ZBTB38: variants seen among roughly 807,000 people sequenced by gnomAD.
The protein encoded by ZBTB38 is zinc finger and BTB domain-containing protein 38.
A neutral mutation model predicts 76.8 loss-of-function variants in ZBTB38; 20 were observed. The ratio of observed to expected loss-of-function variants is 0.26; its 90% CI spans 0.18 to 0.38. The LOEUF is 0.38. ZBTB38 is among the 10% of genes least tolerant of loss of function. ZBTB38 has a pLI of 1.00. For missense variants in ZBTB38, 1,082 were observed against 1,482.3 expected, an observed-to-expected ratio of 0.73 and a Z score of 4.43; for synonymous variants, 504 against 544.2, an observed-to-expected ratio of 0.93 and a Z score of 1.03.
At chr3:141,371,500 T>A (rs1436279075) in intron 2 of ZBTB38, among the ~76,000 whole-genome samples, 1 of 151,420 alleles carries the variant, frequency 6.6e-6, no homozygotes, top group African/African-American at 2.4e-5. Flanking sequence ...TCACCATGCC[T>A]GGCTAATTTT....
chr3:141,445,215 C>G lies in ZBTB38; in HGVS notation c.2827C>G (p.His943Asp). The G allele has an allele frequency of 6.2e-7, 1 of 1,614,026 alleles. No individual in the cohort carries two copies. Among genetic ancestry groups the G allele is most frequent in the Non-Finnish European group, 8.5e-7 (1 of 1,179,994 alleles). The change falls in exon 6 of 6, where the codon CAC (histidine) becomes GAC (aspartate). Residue 943 changes from histidine to aspartate, a missense_variant. Around this residue, in one of 8 missense-constraint regions of ZBTB38, gnomAD observed 471 missense variants for 581.0 expected, o/e 0.81. Coordinates refer to ENST00000321464, the MANE Select transcript of ZBTB38 (RefSeq NM_001376113.1). This position sits in a 1 kb window ranked among gnomAD's most constrained non-coding sequence, Gnocchi z 6.5. ...GAGGAAAGTCAACTGGAGGAAGGAG[C>G]ACGGAAACAGGAGCCCGAGCCATAA... is the stretch of plus-strand genomic sequence containing the variant. ...KMRKVNWRKE[H>D]GNRSPSHKCK...
At chr3:141,341,011 G>A (rs1342819080) in intron 1 of ZBTB38, among the ~76,000 whole-genome samples, 1 of 150,614 alleles carries the variant, frequency 6.6e-6, no homozygotes, top group Non-Finnish European at 1.5e-5. Flanking sequence ...AAGAAAGAAA[G>A]AAAGAGAAAG....
intron 5 of ZBTB38, among the ~76,000 whole-genome samples, chr3:141,404,954 C>T (rs993008299): frequency 2.6e-5 from 4 of 152,206 alleles, no homozygotes; most frequent in African/African-American, 7.2e-5. Context: ...TGGGGTCCAT[C>T]GCAGGGACAG....
intron 4 of ZBTB38, chr3:141,388,565 TG>T (rs1372149741): frequency 6.6e-6 from 1 of 152,240 alleles, no homozygotes; most frequent in Non-Finnish European, 1.5e-5. Context: ...CTCTTTCTTT[TG>T]AACTTAACTT....
chr3:141,346,965 G>T (rs1371134638), intron 1 of ZBTB38, among the ~76,000 whole-genome samples: 1 of 152,166 alleles, frequency 6.6e-6, no homozygotes, highest in African/African-American at 2.4e-5. Context: ...AGCTGGTTCA[G>T]CACTTCCGCC....
intron 4 of ZBTB38, chr3:141,403,153 G>A (rs1559938833): frequency 6.6e-6 from 1 of 152,204 alleles, no homozygotes; most frequent in Non-Finnish European, 1.5e-5. Flanking sequence ...ACTGCGGTAG[G>A]TAAGTGCCTA....
At chr3:141,405,405 G>A (rs545166747) in intron 5 of ZBTB38, among the ~76,000 whole-genome samples, 97 of 152,208 alleles carry the variant, frequency 6.4e-4, no homozygotes, top group African/African-American at 2.2e-3. Flanking sequence ...TGTCATTCTC[G>A]TTACCTGCTT....
intron 4 of ZBTB38, among the ~76,000 whole-genome samples, chr3:141,400,025 T>G (rs1240727125): frequency 8.4e-6 from 1 of 118,650 alleles, no homozygotes; most frequent in African/African-American, 3.4e-5. Flanking sequence ...TGTATTGAAA[T>G]GAGAAGTATT....
rs961588170 is a variant in ZBTB38, at chr3:141,408,553, GA to G, written c.-1+4533del. 3.7e-3 allele frequency among the ~76,000 whole-genome samples: 510 copies of G among 137,668 alleles called. 1 individual carries two copies. The highest frequency in any genetic ancestry group is 7.6e-3 in the Middle Eastern group (2 of 264). The allele number at this position is 137,668 out of a possible 152,430, so 90.3% of individuals were successfully genotyped here. ...TAGAGCAACACTCCATCTCAAAAAA[GA>G]AAAAAAAAAAGAATGTATCATTTTT... On this transcript the variant is annotated intron_variant, in intron 5 of 5. Coordinates refer to ENST00000321464, the MANE Select transcript of ZBTB38 (RefSeq NM_001376113.1).
intron 5 of ZBTB38, among the ~76,000 whole-genome samples, chr3:141,435,973 C>G (rs1431008943): frequency 6.6e-6 from 1 of 152,032 alleles, no homozygotes; most frequent in Non-Finnish European, 1.5e-5. Context: ...GAATTTATTG[C>G]ACAAAACTTG....
At chr3:141,392,812 T>C (rs932844161) in intron 4 of ZBTB38, 3 of 151,470 alleles carry the variant, frequency 2.0e-5, no homozygotes, top group Non-Finnish European at 4.4e-5. Flanking sequence ...TTACCTTCCC[T>C]GGTTGACAGT....
At chr3:141,434,423 G>A (rs1365305948) in intron 5 of ZBTB38, among the ~76,000 whole-genome samples, 1 of 152,108 alleles carries the variant, frequency 6.6e-6, no homozygotes, top group Non-Finnish European at 1.5e-5. Context: ...TGGTTGTAGG[G>A]AGTGGGGAGG....
chr3:141,365,425 C>G (rs1943937877), upstream of ZBTB38, among the ~76,000 whole-genome samples: 1 of 152,196 alleles, frequency 6.6e-6, no homozygotes, highest in South Asian at 2.1e-4. Context: ...CATTACATGG[C>G]AAGGTGGCTG....
intron 4 of ZBTB38, among the ~76,000 whole-genome samples, chr3:141,398,488 A>G (rs916045317): frequency 6.6e-6 from 1 of 152,204 alleles, no homozygotes; most frequent in Non-Finnish European, 1.5e-5. Context: ...ATCCTAGCAG[A>G]AGCATTTTAT....
chr3:141,395,654 A>G (rs1950192415), intron 4 of ZBTB38, among the ~76,000 whole-genome samples: 1 of 152,234 alleles, frequency 6.6e-6, no homozygotes, highest in Non-Finnish European at 1.5e-5. Context: ...ACAGAAATGA[A>G]TGAATGTGAC....
chr3:141,392,672 T>C (rs1949238323), intron 4 of ZBTB38: 1 of 152,260 alleles, frequency 6.6e-6, no homozygotes, highest in African/African-American at 2.4e-5. Context: ...TTCTTCAAGC[T>C]GGTCCGCCTG....
At chr3:141,357,750 G>A (rs1943708102) in intron 1 of ZBTB38, among the ~76,000 whole-genome samples, 1 of 152,176 alleles carries the variant, frequency 6.6e-6, no homozygotes, top group South Asian at 2.1e-4. Context: ...GCCTCCCAAA[G>A]TGCTGGGATT....
chr3:141,395,905 C>A (rs1313188649), intron 4 of ZBTB38, among the ~76,000 whole-genome samples: 3 of 152,240 alleles, frequency 2.0e-5, no homozygotes, highest in South Asian at 2.1e-4. Context: ...AATGTATATA[C>A]CTTAGTTTAA....
At chr3:141,399,987 C>CTTT (rs557587979) in intron 4 of ZBTB38, among the ~76,000 whole-genome samples, 830 of 80,424 alleles carry the variant, frequency 0.01, 40 homozygotes, top group Admixed American at 0.055. Context: ...GAAAGTCTTG[C>CTTT]TTTTTTTTTT....
Sources: gnomAD v4.1 joint callset for allele counts (sites outside exome capture counted in the v4.1 genomes callset) on GRCh38, gnomAD v4.1.1 for gene constraint, gnomAD v4.1.1 regional missense constraint, Gnocchi (gnomAD v3.1) non-coding constraint, MANE v1.5 for transcripts, NCBI Gene and HGNC (gene_info 2026-07-23, HGNC 2026-07-21) for gene names.